The following ATG10 variants were observed in gnomAD, a reference collection of about 807,000 sequenced individuals.
ATG10 encodes the protein ubiquitin-like-conjugating enzyme ATG10.
ATG10 carries 30 observed loss-of-function variants against 32.1 expected under a neutral mutation model. The ratio of observed to expected loss-of-function variants is 0.94; its 90% CI spans 0.70 to 1.27. The LOEUF is 1.27. Ranked by LOEUF, ATG10 falls within the 50% of genes most tolerant of loss-of-function variation. The pLI is 0.00. For synonymous variants in ATG10, 87 were observed against 91.5 expected, an observed-to-expected ratio of 0.95 and a Z score of 0.28; for missense variants, 233 against 262.3, an observed-to-expected ratio of 0.89 and a Z score of 0.77.
intron 4 of ATG10, among the ~76,000 whole-genome samples, chr5:82,167,523 A>G (rs1242949761): frequency 6.6e-6 from 1 of 152,242 alleles, no homozygotes; most frequent in African/African-American, 2.4e-5. Context: ...TTCAACTGCT[A>G]TGCCAGGTTT....
At chr5:82,082,791 A>G (rs924914637) in intron 3 of ATG10, among the ~76,000 whole-genome samples, 3 of 152,218 alleles carry the variant, frequency 2.0e-5, no homozygotes, top group Non-Finnish European at 2.9e-5. Flanking sequence ...ATTTTTCCAG[A>G]TAATTCCAAT....
chr5:82,186,679 C>T lies in ATG10; in HGVS notation c.453+8092C>T, dbSNP rs138703076. On this transcript the variant is annotated intron_variant, in intron 5 of 7. Transcript: ENST00000282185. ...CATGATCTCGGCTCACTGCAACCCT[C>T]GCCTCCCAGGTCAAGTGATTCTTAT... Among the ~76,000 whole-genome samples the T allele has an allele frequency of 2.2e-3, 332 of 150,846 alleles. 1 individual carries two copies. Among genetic ancestry groups the T allele is most frequent in the African/African-American group, 7.6e-3 (312 of 40,986 alleles).
chr5:82,082,909 T>G (rs2562527), intron 3 of ATG10, among the ~76,000 whole-genome samples: 150,262 of 152,322 alleles, frequency 0.99, 74,138 homozygotes, highest in Middle Eastern at 1. Context: ...AGCAGCTCCA[T>G]TCTGCAGCTC....
rs533409348 is a variant in ATG10, at chr5:82,061,284, T to C, written c.216+2682T>C. The stretch of plus-strand genomic sequence containing the variant: ...AAGATTACATATACATATACAAACA[T>C]GTAATATTCACATAAGGCCTAGAAA... On this transcript the variant is annotated intron_variant, in intron 3 of 7. Coordinates refer to ENST00000282185, the MANE Select transcript of ATG10 (RefSeq NM_031482.5). Among the ~76,000 whole-genome samples the C allele has an allele frequency of 5.9e-5, 9 of 152,216 alleles. No homozygotes were observed. The Middle Eastern group carries it at 0.014, about 232-fold the overall frequency.
chr5:82,168,396 T>G (rs774864648), intron 4 of ATG10, among the ~76,000 whole-genome samples: 1 of 152,246 alleles, frequency 6.6e-6, no homozygotes, highest in Non-Finnish European at 1.5e-5. Flanking sequence ...GTTCTCAGTC[T>G]CTATTGAAAA....
intron 3 of ATG10, among the ~76,000 whole-genome samples, chr5:82,154,665 C>T (rs368253315): frequency 6.6e-6 from 1 of 152,224 alleles, no homozygotes; most frequent in South Asian, 2.1e-4. Context: ...CTCCTTGAAT[C>T]CCAATAGAAA....
intron 2 of ATG10, among the ~76,000 whole-genome samples, chr5:82,041,420 G>C (rs112845244): frequency 2.6e-3 from 397 of 152,240 alleles, no homozygotes; most frequent in African/African-American, 9.0e-3. Flanking sequence ...CTAGGTTTTT[G>C]AGATATTTGT....
At chr5:82,054,645 C>T (rs529978478) in intron 2 of ATG10, among the ~76,000 whole-genome samples, 4 of 152,192 alleles carry the variant, frequency 2.6e-5, no homozygotes, top group Non-Finnish European at 4.4e-5. Flanking sequence ...GTCCTTCACC[C>T]TCTTATCTCT....
At chr5:82,050,559 G>A (rs1302627451) in intron 2 of ATG10, among the ~76,000 whole-genome samples, 1 of 151,900 alleles carries the variant, frequency 6.6e-6, no homozygotes, top group African/African-American at 2.4e-5. Flanking sequence ...TATATAATGA[G>A]TCTGTTTAAA....
At chr5:82,107,681 T>C (rs1223181807) in intron 3 of ATG10, among the ~76,000 whole-genome samples, 6 of 152,104 alleles carry the variant, frequency 3.9e-5, no homozygotes, top group Non-Finnish European at 8.8e-5. Context: ...ATTCAGTAAA[T>C]GCTTACTGTT....
intron 3 of ATG10, among the ~76,000 whole-genome samples, chr5:82,065,514 A>G (rs747708197): frequency 6.6e-6 from 1 of 152,022 alleles, no homozygotes; most frequent in Non-Finnish European, 1.5e-5. Context: ...ATATAAATGA[A>G]TAATTTCAAC....
At chr5:81,977,907 G>A (rs1319387206) in intron 1 of ATG10, among the ~76,000 whole-genome samples, 1 of 152,148 alleles carries the variant, frequency 6.6e-6, no homozygotes, top group African/African-American at 2.4e-5. Context: ...ACTTTTGCAA[G>A]AAGAAAAATT....
At chr5:82,098,146 T>G (rs1486313117) in intron 3 of ATG10, among the ~76,000 whole-genome samples, 2 of 152,174 alleles carry the variant, frequency 1.3e-5, no homozygotes, top group African/African-American at 4.8e-5. Flanking sequence ...GTACTTTTAA[T>G]TTAGATTAAT....
chr5:82,049,356 C>T (rs1282858541), intron 2 of ATG10, among the ~76,000 whole-genome samples: 1 of 132,670 alleles, frequency 7.5e-6, no homozygotes, highest in African/African-American at 2.9e-5. Context: ...AATGAGAACA[C>T]ATGGACACAG....
At chr5:82,185,060 G>A (rs1055105980) in intron 5 of ATG10, among the ~76,000 whole-genome samples, 11 of 152,176 alleles carry the variant, frequency 7.2e-5, no homozygotes, top group African/African-American at 2.7e-4. Flanking sequence ...AACCACAAGA[G>A]ATTCTATTGT....
rs932291549 is a variant in ATG10, at chr5:82,183,402, T to C, written c.453+4815T>C. ...AGTGTTTTGCAGTCTTGATTTTTTTTTTCTAATTGTATTTCTGTGGTGTTT... is the reference window on the plus strand; with the variant it reads ...AGTGTTTTGCAGTCTTGATTTTTTTCTTCTAATTGTATTTCTGTGGTGTTT... On this transcript the variant is annotated intron_variant, in intron 5 of 7. Transcript: ENST00000282185. Among the ~76,000 whole-genome samples the C allele has an allele frequency of 6.6e-5, 10 of 152,238 alleles. 1 individual carries two copies. In the South Asian group the frequency reaches 2.1e-3, roughly 32 times the overall value.
intron 2 of ATG10, chr5:81,992,511 C>T (rs1761495234): frequency 6.6e-6 from 1 of 151,940 alleles, no homozygotes; most frequent in Admixed American, 6.6e-5. Context: ...AAGCAATTCT[C>T]CTGCCTCAGC....
In ATG10 at chr5:82,164,544, A is replaced by G; in HGVS notation, c.355+7A>G. On this transcript the variant is annotated splice_region_variant and intron_variant, in intron 4 of 7. Coordinates refer to ENST00000282185, the MANE Select transcript of ATG10 (RefSeq NM_031482.5). Reference sequence around the variant, plus strand: ...TTTAGGGCAAGCTTTTTAGGTAAGAACATGTCTGAAGCTAAAAGTAAATTT... The same window carrying G: ...TTTAGGGCAAGCTTTTTAGGTAAGAGCATGTCTGAAGCTAAAAGTAAATTT... 6.2e-7 allele frequency: 1 copy of G among 1,600,332 alleles called. No homozygotes were observed. Among genetic ancestry groups the G allele is most frequent in the Non-Finnish European group, 8.5e-7 (1 of 1,173,548 alleles).
intron 3 of ATG10, among the ~76,000 whole-genome samples, chr5:82,074,241 T>C (rs1764208784): frequency 6.6e-6 from 1 of 152,208 alleles, no homozygotes; most frequent in Non-Finnish European, 1.5e-5. Context: ...TCAATTTTTC[T>C]TTACCCAAAG....
Sources: gnomAD v4.1 joint callset for allele counts (sites outside exome capture counted in the v4.1 genomes callset) on GRCh38, gnomAD v4.1.1 for gene constraint, MANE v1.5 for transcripts, NCBI Gene and HGNC (gene_info 2026-07-23, HGNC 2026-07-21) for gene names.